Variants in HHLA2 observed in about 807,000 individuals in gnomAD.
HHLA2 encodes the protein HERV-H LTR-associating protein 2.
HHLA2 carries 48 observed loss-of-function variants against 45.9 expected under a neutral mutation model. That is an observed-to-expected ratio of 1.05 (90% CI 0.83 to 1.33). The LOEUF (loss-of-function observed/expected upper bound fraction) is 1.33. Among genes scored for constraint, HHLA2 ranks in the 40% most tolerant of loss-of-function variants. The pLI is 0.00. For missense variants in HHLA2, 462 were observed against 494.3 expected, an observed-to-expected ratio of 0.93 and a Z score of 0.62; for synonymous variants, 161 against 173.9, an observed-to-expected ratio of 0.93 and a Z score of 0.59.
At chr3:108,310,270 C>A (rs4855638) in intron 1 of HHLA2, among the ~76,000 whole-genome samples, 60 of 151,916 alleles carry the variant, frequency 3.9e-4, no homozygotes, top group Middle Eastern at 3.4e-3. Context: ...ATAGGAAAAA[C>A]AAGTCTTACA....
chr3:108,346,346 A>G (rs551297192), intron 3 of HHLA2, among the ~76,000 whole-genome samples: 3 of 152,286 alleles, frequency 2.0e-5, no homozygotes, highest in African/African-American at 7.2e-5. Context: ...AGTCAATCTT[A>G]TTAAAATCTA....
At chr3:108,337,761 T>C (rs994133064) in intron 3 of HHLA2, among the ~76,000 whole-genome samples, 2 of 152,122 alleles carry the variant, frequency 1.3e-5, no homozygotes, top group Admixed American at 6.5e-5. Context: ...GGTTCCTGTG[T>C]TGACTTTCTT....
At chr3:108,299,326 A>AAT (rs887584352) in intron 1 of HHLA2, among the ~76,000 whole-genome samples, 21 of 149,286 alleles carry the variant, frequency 1.4e-4, no homozygotes, top group Admixed American at 4.0e-4. Flanking sequence ...ACCCAGAAAA[A>AAT]ATATATATAT....
intron 3 of HHLA2, among the ~76,000 whole-genome samples, chr3:108,347,622 T>C (rs541351641): frequency 6.6e-6 from 1 of 152,250 alleles, no homozygotes; most frequent in Non-Finnish European, 1.5e-5. Context: ...GACTGCTGTA[T>C]TGACAGTGGA....
chr3:108,339,031 G>A (rs769610570), intron 3 of HHLA2, among the ~76,000 whole-genome samples: 3 of 152,130 alleles, frequency 2.0e-5, no homozygotes, highest in South Asian at 2.1e-4. Flanking sequence ...AGTAAAAGAG[G>A]CTACTGTTAA....
At chr3:108,355,487 T>C in intron 6 of HHLA2, 106 bp downstream of exon 5, 3 of 1,325,018 alleles carry the variant, frequency 2.3e-6, no homozygotes, top group Non-Finnish European at 3.1e-6. Context: ...AGAAAGCAAA[T>C]CCATCTGCAG....
At chr3:108,301,018 TTTCTC>T (rs1233419341) in intron 1 of HHLA2, among the ~76,000 whole-genome samples, 1 of 152,136 alleles carries the variant, frequency 6.6e-6, no homozygotes, top group Non-Finnish European at 1.5e-5. Flanking sequence ...TCACTGAAAT[TTTCTC>T]TTCCTTTCAC....
At chr3:108,332,124 A>G (rs1014036762) in intron 3 of HHLA2, among the ~76,000 whole-genome samples, 1 of 152,220 alleles carries the variant, frequency 6.6e-6, no homozygotes, top group African/African-American at 2.4e-5. Flanking sequence ...AGCTGGAGCC[A>G]ACTGAGGAAT....
At chr3:108,377,650 A>T (rs2082297834) in exon 11 of HHLA2, 1 of 183,912 alleles carries the variant, frequency 5.4e-6, no homozygotes. Flanking sequence ...TGATCAACTG[A>T]TAATGGGTGA....
At chr3:108,331,465 T>G (rs1295536324) in intron 3 of HHLA2, among the ~76,000 whole-genome samples, 5 of 152,162 alleles carry the variant, frequency 3.3e-5, no homozygotes, top group Non-Finnish European at 5.9e-5. Flanking sequence ...ACAGTAATCA[T>G]GACATTTCAC....
chr3:108,367,433 C>A (rs2082082474), intron 8 of HHLA2, among the ~76,000 whole-genome samples: 1 of 151,822 alleles, frequency 6.6e-6, no homozygotes, highest in Admixed American at 6.6e-5. Context: ...ATGTTCTAAC[C>A]CAATGTAAGG....
Position 108,352,788 on chromosome 3 carries a change from A to G in HHLA2, c.65-639A>G, listed in dbSNP as rs564247827. On this transcript the variant is annotated intron_variant, in intron 4 of 10. Coordinates refer to ENST00000619531, the Ensembl canonical transcript of HHLA2. ...ATTAGGCTTCCAGATTTATCTCCAGATATTCCTTACCTACATTTTGACCAA... is the reference window on the plus strand; with the variant it reads ...ATTAGGCTTCCAGATTTATCTCCAGGTATTCCTTACCTACATTTTGACCAA... 1.6e-3 allele frequency among the ~76,000 whole-genome samples: 242 copies of G among 152,352 alleles called. 2 individuals carry two copies. Among genetic ancestry groups the G allele is most frequent in the Non-Finnish European group, 2.5e-3 (169 of 68,028 alleles).
At chr3:108,326,316 C>T (rs1218388320) in intron 2 of HHLA2, 1 of 154,984 alleles carries the variant, frequency 6.5e-6, no homozygotes, top group Non-Finnish European at 1.4e-5. Flanking sequence ...CTTACAGTTC[C>T]ACGTGGCTGG....
intron 8 of HHLA2, among the ~76,000 whole-genome samples, chr3:108,368,628 A>C (rs187614614): frequency 1.6e-3 from 239 of 151,892 alleles, no homozygotes; most frequent in African/African-American, 5.1e-3. Flanking sequence ...AAAGATCAAA[A>C]AAGACAAAGA....
chr3:108,362,224 T>C, intron 7 of HHLA2, 118 bp from the exon 7 acceptor site: 6 of 702,822 alleles, frequency 8.5e-6, no homozygotes, highest in Non-Finnish European at 1.4e-5. Context: ...CTACCTGTAA[T>C]GCAGAAATAA....
At chr3:108,376,373 G>C (rs2082275074) in intron 9 of HHLA2, 120 bp from the exon 9 acceptor site, 2 of 695,318 alleles carry the variant, frequency 2.9e-6, no homozygotes, top group Admixed American at 6.4e-5. Flanking sequence ...GTTTGTTAAA[G>C]ATATGCAGGG....
At chr3:108,307,176 C>A (rs566498103) in intron 1 of HHLA2, among the ~76,000 whole-genome samples, 42 of 152,248 alleles carry the variant, frequency 2.8e-4, no homozygotes, top group Admixed American at 2.4e-3. Context: ...TATCTGCTTA[C>A]CTTTATTCCT....
At chr3:108,372,007 A>G (rs1430952451) in intron 8 of HHLA2, among the ~76,000 whole-genome samples, 1 of 152,186 alleles carries the variant, frequency 6.6e-6, no homozygotes, top group Non-Finnish European at 1.5e-5. Flanking sequence ...CTCCACCCCA[A>G]ATCAACAGAA....
At chr3:108,309,690 A>G (rs1323594079) in intron 1 of HHLA2, among the ~76,000 whole-genome samples, 1 of 152,076 alleles carries the variant, frequency 6.6e-6, no homozygotes, top group African/African-American at 2.4e-5. Context: ...TATCACATGT[A>G]GGGATACATA....
Sources: allele counts gnomAD v4.1 joint callset (sites outside exome capture counted in the v4.1 genomes callset), GRCh38; gene constraint gnomAD v4.1.1; transcripts MANE v1.5; gene names NCBI Gene and HGNC (gene_info 2026-07-23, HGNC 2026-07-21).